Variants in DDX60 observed in about 807,000 individuals in gnomAD.
DDX60 encodes the protein probable ATP-dependent RNA helicase DDX60.
A neutral mutation model predicts 212.8 loss-of-function variants in DDX60; 165 were observed. The ratio of observed to expected loss-of-function variants is 0.78; its 90% CI spans 0.68 to 0.88. The LOEUF is 0.88. DDX60 is among the 40% of genes least tolerant of loss of function. The pLI is 0.00. For synonymous variants in DDX60, 703 were observed against 685.3 expected (o/e 1.03, Z -0.40); for missense variants, 1,905 against 2,003.9 (o/e 0.95, Z 0.94).
intron 33 of DDX60, 118 bp downstream of exon 33, chr4:168,236,134 T>C (rs886654498): frequency 1.1e-6 from 1 of 952,162 alleles, no homozygotes; most frequent in Non-Finnish European, 1.5e-6. Context: ...GAACAAATTA[T>C]TCTATAAAAC....
At chr4:168,297,374 G>GAAAGA (rs1736438304) in intron 6 of DDX60, among the ~76,000 whole-genome samples, 1 of 54,670 alleles carries the variant, frequency 1.8e-5, no homozygotes, top group Admixed American at 1.6e-4. Flanking sequence ...AAGAAAGAAA[G>GAAAGA]AAAGAAAGAG....
chr4:168,267,872 C>G lies in DDX60; in HGVS notation c.2898G>C (p.Leu966Phe), dbSNP rs774048224. The change falls in exon 21 of 38, where the codon TTG becomes TTC. Residue 966 changes from leucine (L) to phenylalanine (F), a missense_variant. Leu to Phe is a conservative substitution (Grantham distance 22). Coordinates refer to ENST00000393743, the MANE Select transcript of DDX60 (RefSeq NM_017631.6). ...GRQAGFPKDY[L>F]QVKQSYKVRL... ...TAACTTTATACGATTGTTTTACTTGCAAGTAGTCTTTGGGAAAGCCGGCCT... is the reference window on the plus strand; with the variant it reads ...TAACTTTATACGATTGTTTTACTTGGAAGTAGTCTTTGGGAAAGCCGGCCT... 3 of 1,612,940 alleles carry G rather than the reference C, an allele frequency of 1.9e-6. No individual in the cohort carries two copies. Among genetic ancestry groups the G allele is most frequent in the Non-Finnish European group, 2.5e-6 (3 of 1,179,352 alleles).
chr4:168,322,073 A>G (rs1237111358), upstream of DDX60, among the ~76,000 whole-genome samples: 1 of 152,196 alleles, frequency 6.6e-6, no homozygotes, highest in African/African-American at 2.4e-5. Flanking sequence ...CTGATCTGGA[A>G]CTGCTCTGTC....
intron 1 of DDX60, among the ~76,000 whole-genome samples, chr4:168,313,043 C>A (rs954512758): frequency 7.2e-5 from 11 of 152,064 alleles, no homozygotes; most frequent in Admixed American, 5.2e-4. Flanking sequence ...ATGCATGAAG[C>A]ATGATTCTCT....
intron 6 of DDX60, among the ~76,000 whole-genome samples, chr4:168,297,348 AAG>A (rs1361545214): frequency 9.8e-6 from 1 of 102,484 alleles, no homozygotes; most frequent in South Asian, 3.2e-4. Flanking sequence ...GAAAGAAAGA[AAG>A]AAAGAAAGAA....
chr4:168,232,158 CAGG>C (rs907459232), intron 33 of DDX60, among the ~76,000 whole-genome samples: 13 of 151,814 alleles, frequency 8.6e-5, no homozygotes, highest in Non-Finnish European at 1.5e-4. Flanking sequence ...TATGCCTAAC[CAGG>C]AGGTGAAAGA....
intron 18 of DDX60, among the ~76,000 whole-genome samples, 194 bp downstream of exon 18, chr4:168,273,085 T>G (rs571624833): frequency 4.6e-4 from 70 of 152,324 alleles, no homozygotes; most frequent in African/African-American, 1.5e-3. Flanking sequence ...TCAGTGTCCT[T>G]AGAGAAAGAT....
intron 18 of DDX60, among the ~76,000 whole-genome samples, chr4:168,272,449 C>T (rs910131028): frequency 1.3e-5 from 2 of 152,166 alleles, no homozygotes; most frequent in Non-Finnish European, 2.9e-5. Flanking sequence ...TAAAACCTGA[C>T]ACTGACATAG....
rs1560831015 is a variant in DDX60, at chr4:168,255,783, G to A, written c.3485C>T (p.Ala1162Val). Reference protein sequence around the residue: ...KKQETKRPPKADKEAHVMANK... With the variant: ...KKQETKRPPKVDKEAHVMANK... The stretch of plus-strand genomic sequence containing the variant: ...AGCCATGACATGGGCTTCTTTATCA[G>A]CTTTGGGAGGCCTTTTTGTCTCCTG... Residue 1162 changes from alanine to valine, a missense_variant, in exon 26 of 38, where the codon GCT becomes GTT. Ala to Val is a moderately conservative substitution (Grantham distance 64). Transcript: ENST00000393743. The A allele has an allele frequency of 6.2e-7, 1 of 1,609,010 alleles. No individual in the cohort carries two copies. The highest frequency in any genetic ancestry group is 8.5e-7 in the Non-Finnish European group (1 of 1,178,694).
chr4:168,262,912 A>G (rs555947295), intron 22 of DDX60, 125 bp from the exon 23 acceptor site: 3 of 558,644 alleles, frequency 5.4e-6, no homozygotes, highest in Non-Finnish European at 9.0e-6. Flanking sequence ...AAATGCTGAT[A>G]GGTGCTAAAT....
At chr4:168,303,900 C>G (rs1268211161) in intron 5 of DDX60, among the ~76,000 whole-genome samples, 1 of 151,792 alleles carries the variant, frequency 6.6e-6, no homozygotes, top group Non-Finnish European at 1.5e-5. Context: ...GAGAATCGCT[C>G]AAACCCAGGA....
In DDX60 at chr4:168,283,529, C is replaced by A. The variant is rs765142019; in HGVS notation, c.1639G>T (p.Glu547Ter). Residue 547 changes from glutamate to a stop codon, truncating the protein, a stop_gained, in exon 13 of 38, where the codon GAA becomes TAA. Coordinates refer to ENST00000393743, the MANE Select transcript of DDX60 (RefSeq NM_017631.6). LOFTEE classifies it high-confidence loss of function. ...VFQRFYGNSL[E>*]TVSSKIIVTQ... The stretch of plus-strand genomic sequence containing the variant: ...ACGATGATTTTCGAAGAGACTGTTT[C>A]TAATGAATTCCCATAAAACCGTTGG... 3.1e-6 allele frequency: 5 copies of A among 1,613,352 alleles called. No homozygotes were observed. Among genetic ancestry groups the A allele is most frequent in the Non-Finnish European group, 4.2e-6 (5 of 1,179,572 alleles).
chr4:168,239,363 G>T (rs977714894), intron 30 of DDX60, among the ~76,000 whole-genome samples: 1 of 143,410 alleles, frequency 7.0e-6, no homozygotes, highest in East Asian at 2.0e-4. Context: ...ATAGCAGAGA[G>T]ATGATAGAAG....
intron 5 of DDX60, 125 bp from the exon 6 acceptor site, chr4:168,302,541 C>T: frequency 2.2e-6 from 1 of 447,472 alleles, no homozygotes; most frequent in African/African-American, 2.0e-5. Context: ...AAAAAATATG[C>T]CAATGTAATT....
At chr4:168,314,104 G>A (rs538917720) in intron 1 of DDX60, among the ~76,000 whole-genome samples, 4 of 152,184 alleles carry the variant, frequency 2.6e-5, no homozygotes, top group East Asian at 1.9e-4. Context: ...AAGCCTAATA[G>A]GCTTTCCTCT....
chr4:168,318,175 TG>T (rs1737485282), intron 1 of DDX60, among the ~76,000 whole-genome samples: 1 of 152,252 alleles, frequency 6.6e-6, no homozygotes, highest in African/African-American at 2.4e-5. Context: ...AGAAATTACC[TG>T]GGGGAATCTT....
At chr4:168,262,311 G>A (rs1047887951) in intron 23 of DDX60, among the ~76,000 whole-genome samples, 183 bp from the exon 24 acceptor site, 3 of 151,972 alleles carry the variant, frequency 2.0e-5, no homozygotes, top group African/African-American at 7.3e-5. Context: ...CAAAAGAGAG[G>A]ATACAAAGCA....
chr4:168,225,709 C>G (rs1449321898), intron 33 of DDX60, 33 bp from the exon 34 acceptor site: 3 of 1,593,914 alleles, frequency 1.9e-6, no homozygotes, highest in Non-Finnish European at 2.6e-6. Context: ...AGAGATAGAT[C>G]TATTTACCTT....
intron 32 of DDX60, 48 bp from the exon 33 acceptor site, chr4:168,236,421 T>C: frequency 1.4e-6 from 2 of 1,468,714 alleles, no homozygotes; most frequent in East Asian, 2.4e-5. Context: ...GGTATAATTC[T>C]ATTTTTTCAT....
Sources: allele counts gnomAD v4.1 joint callset (sites outside exome capture counted in the v4.1 genomes callset), GRCh38; gene constraint gnomAD v4.1.1; transcripts MANE v1.5; gene names NCBI Gene and HGNC (gene_info 2026-07-23, HGNC 2026-07-21).